Variants in UBXN8 observed in about 807,000 individuals in gnomAD.
The protein encoded by UBXN8 is UBX domain-containing protein 8.
A neutral mutation model predicts 32.1 loss-of-function variants in UBXN8; 27 were observed. The ratio of observed to expected loss-of-function variants is 0.84; its 90% CI spans 0.62 to 1.16. UBXN8 has a LOEUF of 1.16. Among genes scored for constraint, UBXN8 ranks in the 50% most tolerant of loss-of-function variants. The probability of loss-of-function intolerance (pLI) is 0.00; values close to 1 mark genes in which losing one functional copy is unlikely to be tolerated. For synonymous variants in UBXN8, 109 were observed against 111.8 expected, an observed-to-expected ratio of 0.98 and a Z score of 0.16; for missense variants, 306 against 311.4, an observed-to-expected ratio of 0.98 and a Z score of 0.13.
chr8:30,763,087 C>T (rs1805900355), intron 6 of UBXN8, 186 bp from the exon 7 acceptor site: 1 of 574,892 alleles, frequency 1.7e-6, no homozygotes, highest in South Asian at 2.2e-5. Flanking sequence ...CTCAAGTGGT[C>T]TGCCTGTCTC....
chr8:30,732,034 G>A, upstream of UBXN8, among the ~76,000 whole-genome samples: 1 of 148,726 alleles, frequency 6.7e-6, no homozygotes, highest in East Asian at 1.9e-4. Flanking sequence ...CCTGAAAGAC[G>A]CTTTCTTTAG....
intron 1 of UBXN8, among the ~76,000 whole-genome samples, chr8:30,744,825 TTG>T (rs1271556721): frequency 8.5e-5 from 13 of 152,058 alleles, no homozygotes; most frequent in African/African-American, 2.9e-4. Context: ...GGCAAAAAGA[TTG>T]TGACACGTTG....
At chr8:30,755,001 G>A (rs181218605) in intron 4 of UBXN8, among the ~76,000 whole-genome samples, 1 of 149,132 alleles carries the variant, frequency 6.7e-6, no homozygotes, top group East Asian at 2.0e-4. Context: ...GTTCCCCTAG[G>A]CTGGAGTTCA....
chr8:30,749,162 G>A (rs1423987255), intron 1 of UBXN8, among the ~76,000 whole-genome samples: 3 of 152,128 alleles, frequency 2.0e-5, no homozygotes, highest in East Asian at 3.9e-4. Context: ...GGGAGGCTGA[G>A]GCCAGCGGAT....
intron 1 of UBXN8, among the ~76,000 whole-genome samples, chr8:30,749,550 T>C (rs1805462220): frequency 1.3e-5 from 2 of 151,760 alleles, no homozygotes; most frequent in African/African-American, 4.8e-5. Flanking sequence ...AAATAAGAAT[T>C]TGGTGTTTCA....
intron 4 of UBXN8, among the ~76,000 whole-genome samples, chr8:30,755,289 G>A (rs1805628000): frequency 6.6e-6 from 1 of 151,978 alleles, no homozygotes; most frequent in African/African-American, 2.4e-5. Flanking sequence ...TCTCTCTCTT[G>A]CCCTGGCTGG....
chr8:30,730,910 G>C (rs1477456621), upstream of UBXN8, among the ~76,000 whole-genome samples: 1 of 152,230 alleles, frequency 6.6e-6, no homozygotes, highest in Non-Finnish European at 1.5e-5. Flanking sequence ...TTTGTAAACA[G>C]GGATGCAGTA....
intron 1 of UBXN8, among the ~76,000 whole-genome samples, chr8:30,737,710 T>C (rs1805099571): frequency 6.6e-6 from 1 of 152,076 alleles, no homozygotes; most frequent in East Asian, 1.9e-4. Context: ...AAATTAGGTA[T>C]GGTAGTGCAC....
At chr8:30,754,264 G>A in intron 3 of UBXN8, 1 of 349,192 alleles carries the variant, frequency 2.9e-6, no homozygotes, top group Admixed American at 3.1e-5. Flanking sequence ...AACAAAGGAT[G>A]TTGGCTTCCC....
intron 1 of UBXN8, among the ~76,000 whole-genome samples, chr8:30,746,694 T>A (rs1805370302): frequency 7.2e-6 from 1 of 138,620 alleles, no homozygotes; most frequent in South Asian, 2.6e-4. Context: ...GACTAATTTT[T>A]TTGTATTTTT....
chr8:30,735,910 G>A (rs1372933313), intron 1 of UBXN8, among the ~76,000 whole-genome samples: 2 of 152,238 alleles, frequency 1.3e-5, no homozygotes, highest in East Asian at 3.8e-4. Context: ...TGTTGAGGTT[G>A]TAGGTCAAGA....
intron 5 of UBXN8, among the ~76,000 whole-genome samples, chr8:30,758,332 T>C (rs1424661820): frequency 6.6e-6 from 1 of 152,222 alleles, no homozygotes; most frequent in African/African-American, 2.4e-5. Flanking sequence ...GTTATTAACA[T>C]GAGTGTATAA....
rs370324673 is a variant in UBXN8, at chr8:30,757,110, G to A, written c.528+223G>A. Among the ~76,000 whole-genome samples, 99 of 151,590 alleles carry A rather than the reference G, an allele frequency of 6.5e-4. 1 individual carries two copies. The highest frequency in any genetic ancestry group is 2.3e-3 in the African/African-American group (95 of 41,270). On this transcript the variant is annotated intron_variant, in intron 5 of 7. Coordinates refer to ENST00000265616, the MANE Select transcript of UBXN8 (RefSeq NM_005671.4). The stretch of plus-strand genomic sequence containing the variant: ...CCGAGGCCGATGGAGGTTGAGGCCA[G>A]GAGTTTGAGACCAGCCTGGCCAACA...
Position 30,744,292 on chromosome 8 carries a change from T to C in UBXN8, c.88+15T>C. The C allele has an allele frequency of 6.2e-7, 1 of 1,610,102 alleles. No individual in the cohort carries two copies. The highest frequency in any genetic ancestry group is 8.5e-7 in the Non-Finnish European group (1 of 1,177,704). Reference sequence around the variant, plus strand: ...CCCGGATATAGGTAAGTGTGACTTTTTCCCTTCGACAGTCACAGCTGGGTA... The same window carrying C: ...CCCGGATATAGGTAAGTGTGACTTTCTCCCTTCGACAGTCACAGCTGGGTA... On this transcript the variant is annotated intron_variant, in intron 1 of 7. Transcript: ENST00000265616.
upstream of UBXN8, chr8:30,744,118 G>C (rs1475026418): frequency 2.0e-6 from 3 of 1,468,216 alleles, no homozygotes; most frequent in Admixed American, 1.9e-5. Flanking sequence ...GGCAAGAAGA[G>C]TTCCACTTCC....
chr8:30,763,253 T>A lies in UBXN8; in HGVS notation c.571-20T>A, dbSNP rs749969003. 8.7e-6 allele frequency: 14 copies of A among 1,612,010 alleles called. No individual in the cohort carries two copies. The Admixed American group carries it at 2.3e-4, about 27-fold the overall frequency. ...AAAGAGCAATGGATCGGAGTTCTTATGTGAATATTTCTTCCTTAGGTAGTT... is the reference window on the plus strand; with the variant it reads ...AAAGAGCAATGGATCGGAGTTCTTAAGTGAATATTTCTTCCTTAGGTAGTT... On this transcript the variant is annotated intron_variant, in intron 6 of 7. Coordinates refer to ENST00000265616, the MANE Select transcript of UBXN8 (RefSeq NM_005671.4).
Position 30,754,801 on chromosome 8 carries a change from C to G in UBXN8, c.405+14C>G, listed in dbSNP as rs1339374022. ...CACAAACTTGGGGTTGGAAAATATT[C>G]TCATTTTATATTTTGAATCCTCTTA... is the stretch of plus-strand genomic sequence containing the variant. On this transcript the variant is annotated intron_variant, in intron 4 of 7. Transcript: ENST00000265616. 2.6e-6 allele frequency: 4 copies of G among 1,557,344 alleles called. No homozygotes were observed. Among genetic ancestry groups the G allele is most frequent in the Non-Finnish European group, 3.4e-6 (4 of 1,163,016 alleles).
At chr8:30,742,718 C>T (rs1049202437), upstream of UBXN8, among the ~76,000 whole-genome samples, 4 of 152,086 alleles carry the variant, frequency 2.6e-5, no homozygotes, top group African/African-American at 9.7e-5. Flanking sequence ...CCCACCCTTC[C>T]CGGACATCCT....
At chr8:30,748,079 TA>T (rs1350030784) in intron 1 of UBXN8, among the ~76,000 whole-genome samples, 3 of 150,186 alleles carry the variant, frequency 2.0e-5, no homozygotes, top group African/African-American at 7.4e-5. Context: ...TTCTACTGTG[TA>T]AAAACCTTTA....
Sources: allele counts gnomAD v4.1 joint callset (sites outside exome capture counted in the v4.1 genomes callset), GRCh38; gene constraint gnomAD v4.1.1; transcripts MANE v1.5; gene names NCBI Gene and HGNC (gene_info 2026-07-23, HGNC 2026-07-21).